Variants in CCDC83 observed in about 807,000 individuals in gnomAD.
CCDC83 encodes coiled-coil domain containing 83, also known as coiled-coil domain-containing protein 83.
Under a neutral mutation model 50.1 loss-of-function variants are expected in CCDC83, and 54 were observed. The ratio of observed to expected loss-of-function variants is 1.08; its 90% CI spans 0.87 to 1.35. The LOEUF is 1.35. CCDC83 is among the 40% of genes most tolerant of loss of function. CCDC83 has a pLI of 0.00. For missense variants in CCDC83, 518 were observed against 473.9 expected, an observed-to-expected ratio of 1.09 and a Z score of -0.86; for synonymous variants, 161 against 153.3, an observed-to-expected ratio of 1.05 and a Z score of -0.37.
chr11:85,873,054 A>G (rs1203528030), intron 2 of CCDC83, among the ~76,000 whole-genome samples, 157 bp from the exon 3 acceptor site: 1 of 152,090 alleles, frequency 6.6e-6, no homozygotes, highest in East Asian at 1.9e-4. Context: ...TTTAGTGAGT[A>G]AAATAGATTC....
In CCDC83 at chr11:85,873,265, T is replaced by C. The variant is rs1372629457; in HGVS notation, c.150T>C (p.Leu50=). The part of the protein sequence containing the change: ...VEQFMFQIKT[L]RKKNQKYHER... Reference sequence around the variant, plus strand: ...AATTCATGTTTCAAATAAAGACACTTAGGAAAAAGAACCAAAAATATCATG... The same window carrying C: ...AATTCATGTTTCAAATAAAGACACTCAGGAAAAAGAACCAAAAATATCATG... Residue 50 remains leucine, a synonymous_variant, in exon 3 of 11, where the codon CTT becomes CTC. Coordinates refer to ENST00000342404, the MANE Select transcript of CCDC83 (RefSeq NM_001286159.2). The C allele has an allele frequency of 5.2e-6, 8 of 1,551,490 alleles. No individual in the cohort carries two copies. Among genetic ancestry groups the C allele is most frequent in the Non-Finnish European group, 6.1e-6 (7 of 1,143,234 alleles).
At chr11:85,880,030 G>A (rs2093291150) in intron 3 of CCDC83, among the ~76,000 whole-genome samples, 1 of 151,982 alleles carries the variant, frequency 6.6e-6, no homozygotes, top group Non-Finnish European at 1.5e-5. Context: ...CTTGAAATAA[G>A]GTAAATTAAT....
chr11:85,917,957 T>C (rs2093490280), intron 10 of CCDC83: 1 of 152,232 alleles, frequency 6.6e-6, no homozygotes, highest in Admixed American at 6.5e-5. Context: ...CATGGTGTAT[T>C]ACTTGAGAAT....
chr11:85,869,405 G>GC (rs1291690058), intron 2 of CCDC83, among the ~76,000 whole-genome samples: 1 of 152,116 alleles, frequency 6.6e-6, no homozygotes, highest in Admixed American at 6.6e-5. Context: ...AATGAATATG[G>GC]ATAGAGATAT....
chr11:85,905,135 A>G (rs2093419173), intron 7 of CCDC83, among the ~76,000 whole-genome samples: 1 of 151,986 alleles, frequency 6.6e-6, no homozygotes. Flanking sequence ...CATCTCTACT[A>G]AAAATACAAA....
intron 2 of CCDC83, among the ~76,000 whole-genome samples, chr11:85,871,862 A>T (rs1354868572): frequency 6.6e-6 from 1 of 152,196 alleles, no homozygotes. Flanking sequence ...TAGGTAACAC[A>T]CTTCTGTTGC....
At chr11:85,876,300 A>C (rs1053062039) in intron 3 of CCDC83, among the ~76,000 whole-genome samples, 1 of 152,164 alleles carries the variant, frequency 6.6e-6, no homozygotes, top group Non-Finnish European at 1.5e-5. Context: ...ATATTTGATA[A>C]ATTTCATAAT....
At chr11:85,873,178 A>G in intron 2 of CCDC83, 33 bp from the exon 3 acceptor site, 2 of 1,162,342 alleles carry the variant, frequency 1.7e-6, no homozygotes, top group South Asian at 1.5e-5. Flanking sequence ...AAGATAAATG[A>G]TTCTAACACA....
At chr11:85,890,539 A>G (rs1235772377) in intron 5 of CCDC83, among the ~76,000 whole-genome samples, 1 of 152,212 alleles carries the variant, frequency 6.6e-6, no homozygotes, top group Non-Finnish European at 1.5e-5. Context: ...GGGAATGCAG[A>G]TGAAATCCCA....
chr11:85,907,886 C>G (rs1462138419), intron 7 of CCDC83, among the ~76,000 whole-genome samples: 1 of 152,152 alleles, frequency 6.6e-6, no homozygotes, highest in African/African-American at 2.4e-5. Context: ...CCCAAGCATG[C>G]CAGGCCCTTA....
At chr11:85,886,430 T>C (rs2093327408) in intron 5 of CCDC83, 63 bp downstream of exon 5, 3 of 1,359,042 alleles carry the variant, frequency 2.2e-6, no homozygotes. Flanking sequence ...CATACATTGA[T>C]GGAAGAAAAA....
rs113170737 is a variant in CCDC83, at chr11:85,909,659, G to A, written c.673-1622G>A. Among the ~76,000 whole-genome samples the A allele has an allele frequency of 8.6e-4, 90 of 104,904 alleles. 1 individual carries two copies. Among genetic ancestry groups the A allele is most frequent in the African/African-American group, 3.2e-3 (86 of 27,144 alleles). 68.8% of individuals were successfully genotyped at this position (104,904 alleles called of 152,430 possible). ...TTTTTTTGAGACGGAGTCTCGCTCT[G>A]TTGCCCAGGCTGGAGTGCAGTGGCG... On this transcript the variant is annotated intron_variant, in intron 7 of 10. Coordinates refer to ENST00000342404, the MANE Select transcript of CCDC83 (RefSeq NM_001286159.2).
chr11:85,912,564 T>G (rs11608136), intron 8 of CCDC83: 166,349 of 780,712 alleles, frequency 0.21, 19,349 homozygotes, highest in East Asian at 0.37. Flanking sequence ...CTTGAGCTGA[T>G]GCCCTAGAGG....
At chr11:85,872,882 A>G (rs1408771341) in intron 2 of CCDC83, among the ~76,000 whole-genome samples, 2 of 152,284 alleles carry the variant, frequency 1.3e-5, no homozygotes. Context: ...TGTTTTTAGA[A>G]TTCTAGAAAG....
intron 1 of CCDC83, among the ~76,000 whole-genome samples, chr11:85,858,998 G>A (rs1240753774): frequency 6.6e-6 from 1 of 151,712 alleles, no homozygotes; most frequent in Non-Finnish European, 1.5e-5. Flanking sequence ...GGTTGAGAGG[G>A]GCCATAAAAA....
chr11:85,887,459 G>A (rs1374065064), intron 5 of CCDC83, among the ~76,000 whole-genome samples: 4 of 152,118 alleles, frequency 2.6e-5, no homozygotes, highest in Non-Finnish European at 5.9e-5. Flanking sequence ...TTGTATGTAA[G>A]TTTCTCAGCT....
In CCDC83 at chr11:85,859,158, TA is replaced by T. The variant is rs55964668; in HGVS notation, c.-29+3596del. Among the ~76,000 whole-genome samples the T allele has an allele frequency of 7.8e-3, 539 of 68,792 alleles. 2 individuals carry two copies. The highest frequency in any genetic ancestry group is 0.035 in the Middle Eastern group (4 of 114). 45.1% of individuals were successfully genotyped at this position (68,792 alleles called of 152,430 possible). On this transcript the variant is annotated intron_variant, in intron 1 of 10. Transcript: ENST00000342404. ...TGGGTAAATAAAAATCTTGGTGCCT[TA>T]AAAAAAAAAAAAAAAAAAAAACCCC...
intron 7 of CCDC83, among the ~76,000 whole-genome samples, chr11:85,900,141 G>C (rs11234467): frequency 0.26 from 39,971 of 152,052 alleles, 5,629 homozygotes; most frequent in Middle Eastern, 0.29. Context: ...TCTGCTCAGA[G>C]TCTGTGTGTG....
chr11:85,855,764 G>C (rs1394306423), intron 1 of CCDC83, among the ~76,000 whole-genome samples, 180 bp downstream of exon 1: 3 of 152,188 alleles, frequency 2.0e-5, no homozygotes, highest in Non-Finnish European at 4.4e-5. Context: ...CAGAGGTTCA[G>C]AGACTTGGCC....
Sources: allele counts gnomAD v4.1 joint callset (sites outside exome capture counted in the v4.1 genomes callset), GRCh38; gene constraint gnomAD v4.1.1; transcripts MANE v1.5; gene names NCBI Gene and HGNC (gene_info 2026-07-23, HGNC 2026-07-21).